PCDHGA7: variants seen among roughly 807,000 people sequenced by gnomAD.
The protein encoded by PCDHGA7 is protocadherin gamma subfamily A, 7, also known as protocadherin gamma-A7.
Under a neutral mutation model 58.3 loss-of-function variants are expected in PCDHGA7, and 44 were observed. That is an observed-to-expected ratio of 0.75 (90% confidence interval 0.59 to 0.97). The LOEUF (loss-of-function observed/expected upper bound fraction) is 0.97, where lower values mean the gene tolerates loss of function less well. Ranked by LOEUF, PCDHGA7 falls within the 50% of genes least tolerant of loss-of-function variation. The pLI, the probability that PCDHGA7 is intolerant of heterozygous loss-of-function variation, is 0.00. For missense variants in PCDHGA7, 1,266 were observed against 1,188.7 expected, an observed-to-expected ratio of 1.06 and a Z score of -0.96; for synonymous variants, 516 against 504.2, an observed-to-expected ratio of 1.02 and a Z score of -0.31.
chr5:141,457,972 A>AC (rs1198043621), intron 1 of PCDHGA7, among the ~76,000 whole-genome samples: 4 of 152,218 alleles, frequency 2.6e-5, no homozygotes, highest in African/African-American at 9.6e-5. Flanking sequence ...TTAAAGGGAA[A>AC]CACACCCTTT....
chr5:141,497,502 T>C (rs1216218103), intron 2 of PCDHGA7, among the ~76,000 whole-genome samples: 1 of 151,628 alleles, frequency 6.6e-6, no homozygotes, highest in East Asian at 1.9e-4. Flanking sequence ...CTCTCCTCTC[T>C]CTGCTTCCTT....
At chr5:141,404,601 T>G (rs2094545274) in intron 1 of PCDHGA7, 2 of 1,614,056 alleles carry the variant, frequency 1.2e-6, no homozygotes, top group Admixed American at 1.7e-5. Context: ...TCATTGAGAC[T>G]GTTTGTTTTG....
rs571984924 is a variant in PCDHGA7 at position 141,383,845 on chromosome 5, G to T, written c.946G>T (p.Glu316Ter). ...GLDYEETAFY[E>*]MEVQAQDGPG... ...AGATTATGAAGAAACTGCCTTCTAT[G>T]AAATGGAGGTTCAGGCTCAAGATGG... Residue 316 changes from glutamate to a stop codon, truncating the protein, a stop_gained, in exon 1 of 4, where the codon GAA becomes TAA. Coordinates refer to ENST00000518325, the MANE Select transcript of PCDHGA7 (RefSeq NM_018920.4). LOFTEE classifies it high-confidence loss of function. The T allele has an allele frequency of 1.6e-4, 259 of 1,613,938 alleles. 1 individual carries two copies. The South Asian group carries it at 2.6e-3, about 16-fold the overall frequency.
At chr5:141,387,510 C>A (rs972550298) in intron 1 of PCDHGA7, among the ~76,000 whole-genome samples, 1 of 152,206 alleles carries the variant, frequency 6.6e-6, no homozygotes, top group Non-Finnish European at 1.5e-5. Context: ...TTTTAGACGT[C>A]ATTAAATATA....
Position 141,496,888 on chromosome 5 carries a change from TA to T in PCDHGA7, c.2483+2038del, listed in dbSNP as rs35063790. 4.6e-3 allele frequency among the ~76,000 whole-genome samples: 621 copies of T among 133,932 alleles called. 1 individual carries two copies. Among genetic ancestry groups the T allele is most frequent in the Middle Eastern group, 0.011 (3 of 270 alleles). 87.9% of individuals were successfully genotyped at this position (133,932 alleles called of 152,430 possible). ...CTGAAAATTTGCAACAAGTAACACT[TA>T]AAAAAAAAAAAAAAGGCTGGGCACT... On this transcript the variant is annotated intron_variant, in intron 2 of 3. Coordinates refer to ENST00000518325, the MANE Select transcript of PCDHGA7 (RefSeq NM_018920.4).
chr5:141,396,765 T>A (rs1446594255), intron 1 of PCDHGA7: 1 of 152,246 alleles, frequency 6.6e-6, no homozygotes, highest in Non-Finnish European at 1.5e-5. Flanking sequence ...CAATAAATGT[T>A]TGTTATTAAT....
intron 1 of PCDHGA7, chr5:141,397,962 A>T: frequency 1.9e-6 from 2 of 1,037,030 alleles, no homozygotes; most frequent in Admixed American, 2.9e-5. Context: ...CCCAGCTCAG[A>T]CTCCCCAGCG....
chr5:141,476,523 C>G lies in PCDHGA7; in HGVS notation c.2425-18284C>G. On this transcript the variant is annotated intron_variant, in intron 1 of 3. Transcript: ENST00000518325. This position sits in a 1 kb window ranked among gnomAD's most constrained non-coding sequence, Gnocchi z 7.6. ...ATCAACGACAACAATCCTGCTTTCC[C>G]TACCCAGGAAATGAAATTGGAGATT... is the stretch of plus-strand genomic sequence containing the variant. 1 of 1,614,218 alleles carries G rather than the reference C, an allele frequency of 6.2e-7. No individual in the cohort carries two copies.
intron 1 of PCDHGA7, chr5:141,424,104 A>G (rs1049098128): frequency 6.2e-6 from 5 of 812,458 alleles, no homozygotes; most frequent in Non-Finnish European, 6.1e-6. Flanking sequence ...ATTACTGCTA[A>G]TGTTCAAATT....
intron 1 of PCDHGA7, among the ~76,000 whole-genome samples, chr5:141,474,651 C>T (rs2099352565): frequency 6.6e-6 from 1 of 152,178 alleles, no homozygotes; most frequent in South Asian, 2.1e-4. Flanking sequence ...ATCCTTACTT[C>T]TTTTCTACCT....
Position 141,384,281 on chromosome 5 carries a change from T to A in PCDHGA7, c.1382T>A (p.Ile461Asn). 1.2e-6 allele frequency: 2 copies of A among 1,613,774 alleles called. No individual in the cohort carries two copies. The highest frequency in any genetic ancestry group is 1.7e-6 in the Non-Finnish European group (2 of 1,179,870). ...TFPHSSYSVY[I>N]AENNPRGASI... is the part of the protein sequence containing the mutation. ...CCCCACTCATCCTACTCAGTCTACA[T>A]CGCTGAGAACAACCCCAGAGGGGCC... Residue 461 changes from isoleucine to asparagine, a missense_variant, in exon 1 of 4, where the codon ATC becomes AAC. Transcript: ENST00000518325.
rs200524415 is a variant in PCDHGA7, at chr5:141,487,436, G to C, written c.2425-7371G>C. 1 of 1,614,176 alleles carries C rather than the reference G, an allele frequency of 6.2e-7. No individual in the cohort carries two copies. Among genetic ancestry groups the C allele is most frequent in the East Asian group, 2.2e-5 (1 of 44,870 alleles). ...CAATGGGATCCTCCGAATCCAGCTAGGGTCAGATGACCCTATCAAGTTTGT... is the reference window on the plus strand; with the variant it reads ...CAATGGGATCCTCCGAATCCAGCTACGGTCAGATGACCCTATCAAGTTTGT... On this transcript the variant is annotated intron_variant, in intron 1 of 3. Coordinates refer to ENST00000518325, the MANE Select transcript of PCDHGA7 (RefSeq NM_018920.4). This position sits in a 1 kb window ranked among gnomAD's most constrained non-coding sequence, Gnocchi z 5.0.
chr5:141,413,559 T>A, intron 1 of PCDHGA7: 1 of 1,613,862 alleles, frequency 6.2e-7, no homozygotes. Flanking sequence ...TAGAAGTAAC[T>A]GATATCAATG....
chr5:141,392,280 G>A (rs1299678398), intron 1 of PCDHGA7: 3 of 152,190 alleles, frequency 2.0e-5, no homozygotes, highest in African/African-American at 7.2e-5. Context: ...AAAGCTTAGA[G>A]CACAATGGGA....
chr5:141,462,209 C>T (rs1158675305), intron 1 of PCDHGA7, among the ~76,000 whole-genome samples: 6 of 152,172 alleles, frequency 3.9e-5, no homozygotes, highest in Non-Finnish European at 8.8e-5. Flanking sequence ...ATCCGCCTGC[C>T]TCGGCCTCCC....
intron 1 of PCDHGA7, among the ~76,000 whole-genome samples, chr5:141,456,845 C>T (rs1308477735): frequency 6.6e-6 from 1 of 152,092 alleles, no homozygotes; most frequent in African/African-American, 2.4e-5. Context: ...CGCCTGTAAT[C>T]CCAGCTAATT....
chr5:141,506,847 T>C lies in PCDHGA7; in HGVS notation c.2572+1366T>C, dbSNP rs146737657. ...GAACTGATAGCCCTGCCCTCCAGCA[T>C]GTCTGGAGGACTGGTGGGTAGAGAA... On this transcript the variant is annotated intron_variant, in intron 3 of 3. Coordinates refer to ENST00000518325, the MANE Select transcript of PCDHGA7 (RefSeq NM_018920.4). 3.7e-3 allele frequency among the ~76,000 whole-genome samples: 564 copies of C among 152,318 alleles called. 5 individuals are homozygous for C. Among genetic ancestry groups the C allele is most frequent in the Admixed American group, 0.011 (164 of 15,302 alleles).
At chr5:141,437,796 G>A (rs2097911691) in intron 1 of PCDHGA7, among the ~76,000 whole-genome samples, 1 of 150,348 alleles carries the variant, frequency 6.7e-6, no homozygotes, top group South Asian at 2.1e-4. Context: ...GGAGTGCAGT[G>A]GCACTATCTT....
At chr5:141,447,861 G>A (rs2098553733) in intron 1 of PCDHGA7, among the ~76,000 whole-genome samples, 1 of 152,120 alleles carries the variant, frequency 6.6e-6, no homozygotes, top group Non-Finnish European at 1.5e-5. Flanking sequence ...CGAGGTGGGT[G>A]AATCATCTGA....
Sources: allele counts gnomAD v4.1 joint callset (sites outside exome capture counted in the v4.1 genomes callset), GRCh38; gene constraint gnomAD v4.1.1; non-coding constraint Gnocchi (gnomAD v3.1); transcripts MANE v1.5; gene names NCBI Gene and HGNC (gene_info 2026-07-23, HGNC 2026-07-21).